The following NLRP7 variants were observed in gnomAD, a reference collection of about 807,000 sequenced individuals.
NLRP7 encodes the protein NLR family pyrin domain containing 7, also known as NACHT, LRR and PYD domains-containing protein 7.
NLRP7 carries 72 observed loss-of-function variants against 85.5 expected under a neutral mutation model. That is an observed-to-expected ratio of 0.84 (90% CI 0.70 to 1.02). NLRP7 has a LOEUF of 1.02. Ranked by LOEUF, NLRP7 falls within the 50% of genes least tolerant of loss-of-function variation. The pLI is 0.00. For missense variants in NLRP7, 1,243 were observed against 1,219.5 expected, an observed-to-expected ratio of 1.02 and a Z score of -0.29; for synonymous variants, 550 against 505.2, an observed-to-expected ratio of 1.09 and a Z score of -1.19.
chr19:54,961,109 C>A lies in NLRP7; in HGVS notation c.-77+4931G>T, dbSNP rs138345956. Among the ~76,000 whole-genome samples, 250 of 152,066 alleles carry A rather than the reference C, an allele frequency of 1.6e-3. 3 individuals are homozygous for A. Among genetic ancestry groups the A allele is most frequent in the Non-Finnish European group, 4.6e-4 (31 of 67,956 alleles). ...AAATAATGGGCCAGGCATAGTGGCT[C>A]ACACCTGTAATCTCAGTACTTTGGG... On this transcript the variant is annotated intron_variant, in intron 1 of 2. Transcript: ENST00000587103.
At chr19:54,938,561 C>CA (rs1344722825) in intron 4 of NLRP7, among the ~76,000 whole-genome samples, 1 of 151,786 alleles carries the variant, frequency 6.6e-6, no homozygotes, top group African/African-American at 2.4e-5. Flanking sequence ...CCCATCTCTA[C>CA]AAAAAAATAA....
At chr19:54,930,787 C>G in intron 8 of NLRP7, 121 bp from the exon 9 acceptor site, 1 of 820,176 alleles carries the variant, frequency 1.2e-6, no homozygotes, top group Non-Finnish European at 2.1e-6. Context: ...GCACTCTTGG[C>G]TCACTGCAAC....
intron 9 of NLRP7, 122 bp from the exon 11 acceptor site, chr19:54,923,994 G>T (rs1222923808): frequency 1.9e-6 from 2 of 1,055,526 alleles, no homozygotes; most frequent in Non-Finnish European, 1.4e-6. Context: ...GGGGGACAGG[G>T]TCTTGCTCTG....
chr19:54,941,989 C>T (rs1246254902), intron 1 of NLRP7, among the ~76,000 whole-genome samples: 2 of 152,148 alleles, frequency 1.3e-5, no homozygotes, highest in Non-Finnish European at 2.9e-5. Context: ...CACGGTGGCT[C>T]ACGCCTGTAA....
rs372128868 is a variant in NLRP7, at chr19:54,926,227, T to TGTGTGTGCGC, written c.2811-2356_2811-2355insGCGCACACAC. ...AGGGGTGTGTGTGTGTGTGTGTGTGTGCTCATGCACACACATACACACAAG... is the reference window on the plus strand; with the variant it reads ...AGGGGTGTGTGTGTGTGTGTGTGTGTGTGTGTGCGCGCTCATGCACACACATACACACAAG... On this transcript the variant is annotated intron_variant, in intron 9 of 9. Coordinates refer to ENST00000340844, the Ensembl canonical transcript of NLRP7. Among the ~76,000 whole-genome samples, 24 of 150,842 alleles carry TGTGTGTGCGC rather than the reference T, an allele frequency of 1.6e-4. No individual in the cohort carries two copies. In the East Asian group the frequency reaches 1.8e-3, roughly 11 times the overall value.
At chr19:54,947,851 T>C (rs1445090079), upstream of NLRP7, 3 of 240,704 alleles carry the variant, frequency 1.2e-5, no homozygotes, top group Non-Finnish European at 2.6e-5. Flanking sequence ...TTAAAAACTC[T>C]TGTAGAGAAA....
intron 1 of NLRP7, among the ~76,000 whole-genome samples, chr19:54,946,634 A>G (rs1185737434): frequency 2.7e-5 from 4 of 150,632 alleles, no homozygotes; most frequent in Non-Finnish European, 4.4e-5. Flanking sequence ...GACACAGCAC[A>G]AGGTCTGGCC....
intron 1 of NLRP7, among the ~76,000 whole-genome samples, chr19:54,953,786 C>T (rs1438071047): frequency 1.3e-5 from 2 of 150,022 alleles, no homozygotes; most frequent in Non-Finnish European, 3.0e-5. Flanking sequence ...GTGGATCACA[C>T]GGTCAGGAGA....
At chr19:54,928,607 G>A (rs2068543486) in intron 9 of NLRP7, among the ~76,000 whole-genome samples, 1 of 152,084 alleles carries the variant, frequency 6.6e-6, no homozygotes, top group South Asian at 2.1e-4. Flanking sequence ...CTAGACTTAT[G>A]CTGGTCATTT....
intron 1 of NLRP7, among the ~76,000 whole-genome samples, chr19:54,944,485 C>T (rs551581154): frequency 2.0e-5 from 3 of 152,156 alleles, no homozygotes; most frequent in South Asian, 4.2e-4. Context: ...TCCCCGTCTC[C>T]GAGATGGTAG....
intron 8 of NLRP7, among the ~76,000 whole-genome samples, chr19:54,931,339 A>G (rs1421159643): frequency 6.6e-6 from 1 of 151,984 alleles, no homozygotes; most frequent in East Asian, 1.9e-4. Context: ...TGGGTGAATC[A>G]CAAGATCAGG....
chr19:54,925,109 T>C (rs1444001363), intron 9 of NLRP7, among the ~76,000 whole-genome samples: 2 of 152,154 alleles, frequency 1.3e-5, no homozygotes, highest in Non-Finnish European at 2.9e-5. Context: ...GCTTGCTATG[T>C]TGCCCAGGCT....
At chr19:54,947,832 C>A, upstream of NLRP7, 1 of 288,246 alleles carries the variant, frequency 3.5e-6, no homozygotes, top group Non-Finnish European at 7.0e-6. Flanking sequence ...GGGTACCTGG[C>A]TCCCAGCTTT....
At chr19:54,925,931 T>A (rs1462901020) in intron 9 of NLRP7, among the ~76,000 whole-genome samples, 1 of 148,720 alleles carries the variant, frequency 6.7e-6, no homozygotes. Context: ...ACCCGGGAGG[T>A]GGAGCTTGCA....
chr19:54,944,997 T>A (rs2069402908), intron 1 of NLRP7, among the ~76,000 whole-genome samples: 1 of 151,730 alleles, frequency 6.6e-6, no homozygotes, highest in Non-Finnish European at 1.5e-5. Context: ...CCCAGCACTA[T>A]GGGAGGCCGA....
chr19:54,948,258 G>T (rs1054638332), upstream of NLRP7, among the ~76,000 whole-genome samples: 4 of 152,118 alleles, frequency 2.6e-5, no homozygotes, highest in African/African-American at 9.7e-5. Flanking sequence ...GGTGGCAGGT[G>T]CCTGTAATCC....
At chr19:54,931,860 A>AAAT (rs139352336) in intron 8 of NLRP7, among the ~76,000 whole-genome samples, 6 of 150,152 alleles carry the variant, frequency 4.0e-5, no homozygotes, top group African/African-American at 9.8e-5. Context: ...AAAAAAAAAA[A>AAAT]CATCCAAATG....
chr19:54,949,660 C>T (rs981905124), upstream of NLRP7, among the ~76,000 whole-genome samples: 1 of 152,014 alleles, frequency 6.6e-6, no homozygotes, highest in Admixed American at 6.6e-5. Flanking sequence ...CCAAAGAAAC[C>T]GTCAGTGATT....
exon 5 of NLRP7, chr19:54,938,192 G>A (rs2069025363): frequency 1.2e-6 from 2 of 1,614,118 alleles, no homozygotes; most frequent in East Asian, 2.2e-5. Flanking sequence ...CAGAGGCGAA[G>A]AGAGCGAAGA....
Sources: allele counts gnomAD v4.1 joint callset (sites outside exome capture counted in the v4.1 genomes callset), GRCh38; gene constraint gnomAD v4.1.1; transcripts MANE v1.5; gene names NCBI Gene and HGNC (gene_info 2026-07-23, HGNC 2026-07-21).